Variants in RHOT1 observed in about 807,000 individuals in gnomAD.
RHOT1 encodes the protein mitochondrial Rho GTPase 1.
Under a neutral mutation model 95.3 loss-of-function variants are expected in RHOT1, and 27 were observed. The ratio of observed to expected loss-of-function variants is 0.28; its 90% CI spans 0.21 to 0.39. RHOT1 has a LOEUF of 0.39. RHOT1 is among the 10% of genes least tolerant of loss of function. The pLI is 1.00. For synonymous variants in RHOT1, 227 were observed against 263.5 expected (o/e 0.86, Z 1.34); for missense variants, 578 against 786.7 (o/e 0.73, Z 3.17).
At chr17:32,146,896 T>TA in intron 1 of RHOT1, among the ~76,000 whole-genome samples, 1 of 144,356 alleles carries the variant, frequency 6.9e-6, no homozygotes, top group African/African-American at 2.6e-5. Flanking sequence ...CTAATTTTTG[T>TA]AAATTTTTTT....
chr17:32,163,422 C>A (rs531149021), intron 1 of RHOT1, among the ~76,000 whole-genome samples: 1 of 152,174 alleles, frequency 6.6e-6, no homozygotes, highest in South Asian at 2.1e-4. Context: ...TTCTTTTTAT[C>A]CAGATATGTA....
chr17:32,209,190 A>T, intron 18 of RHOT1: 2 of 399,578 alleles, frequency 5.0e-6, no homozygotes, highest in Non-Finnish European at 8.9e-6. Context: ...AAGTCAGTTA[A>T]CTTTACTGCT....
At chr17:32,219,315 T>G (rs2038680498) in intron 19 of RHOT1, among the ~76,000 whole-genome samples, 1 of 152,148 alleles carries the variant, frequency 6.6e-6, no homozygotes, top group Non-Finnish European at 1.5e-5. Flanking sequence ...TTCTGAATTC[T>G]TACCCTTCCG....
intron 8 of RHOT1, among the ~76,000 whole-genome samples, chr17:32,185,477 A>G (rs1042724252): frequency 4.6e-5 from 7 of 152,046 alleles, no homozygotes; most frequent in Non-Finnish European, 7.4e-5. Flanking sequence ...GCACAATCAC[A>G]GCTCACTGCC....
At chr17:32,150,346 T>G in intron 1 of RHOT1, 1 of 354,482 alleles carries the variant, frequency 2.8e-6, no homozygotes, top group East Asian at 4.3e-5. Flanking sequence ...GAACTTTTGC[T>G]GCTAATGAAC....
intron 15 of RHOT1, 98 bp from the exon 16 acceptor site, chr17:32,203,792 C>G: frequency 2.4e-6 from 2 of 826,656 alleles, no homozygotes; most frequent in Non-Finnish European, 4.1e-6. Context: ...GAAGAATGCC[C>G]TTTTATTTAT....
chr17:32,149,365 C>T lies in RHOT1; in HGVS notation c.37+6636C>T, dbSNP rs1040002508. 6.9e-4 allele frequency among the ~76,000 whole-genome samples: 104 copies of T among 150,828 alleles called. 1 individual carries two copies. Among genetic ancestry groups the T allele is most frequent in the African/African-American group, 2.4e-3 (98 of 41,386 alleles). On this transcript the variant is annotated intron_variant, in intron 1 of 19. Transcript: ENST00000545287. ...GAAGAGCTTGGGATTTTTGTTTCCT[C>T]ATAAACAATCTTTATTTTCTGAAGC...
In RHOT1 at chr17:32,206,803, A is replaced by G. The variant is rs562436846; in HGVS notation, c.1417-107A>G. 1.8e-5 allele frequency: 15 copies of G among 817,642 alleles called. No individual in the cohort carries two copies. In the South Asian group the frequency reaches 2.1e-4, roughly 12 times the overall value. The allele number at this position is 817,642 out of a possible 1,614,324, so 50.6% of individuals were successfully genotyped here. ...CTGGCCTGAAAAGTTATGCTTAACC[A>G]GTACTTTTAAACTTAGGAAGTCCAG... On this transcript the variant is annotated intron_variant, in intron 16 of 19. Transcript: ENST00000545287.
chr17:32,173,788 T>G, intron 2 of RHOT1, 43 bp from the exon 3 acceptor site: 3 of 1,297,310 alleles, frequency 2.3e-6, no homozygotes, highest in Non-Finnish European at 3.3e-6. Flanking sequence ...AGTGATAATA[T>G]TCAAAGGTGT....
At chr17:32,157,789 A>T (rs566857529) in intron 1 of RHOT1, among the ~76,000 whole-genome samples, 160 of 152,070 alleles carry the variant, frequency 1.1e-3, no homozygotes, top group Admixed American at 4.9e-3. Flanking sequence ...CCTGGGTGAC[A>T]TAGCAAGACT....
intron 1 of RHOT1, among the ~76,000 whole-genome samples, chr17:32,161,538 A>G (rs2142446618): frequency 6.6e-6 from 1 of 152,210 alleles, no homozygotes; most frequent in African/African-American, 2.4e-5. Context: ...GTGGCCTTTC[A>G]CTAGTTTTAC....
At position 32,193,996 on chromosome 17, in the gene RHOT1, T is replaced by A. The variant is rs1423311673; in HGVS notation, c.758T>A (p.Phe253Tyr). The change falls in exon 11 of 20, where the codon TTT becomes TAT. Residue 253 changes from phenylalanine (F) to tyrosine (Y), a missense_variant. Physicochemically the swap from Phe to Tyr is conservative, Grantham distance 22. This residue lies in a region of RHOT1 where 227 missense variants were observed against 316.0 expected (regional missense o/e 0.72). Coordinates refer to ENST00000545287, the MANE Select transcript of RHOT1 (RefSeq NM_001033566.3). ...DSGLTLKGFL[F>Y]LHTLFIQRGR... Reference sequence around the variant, plus strand: ...ATTTACTTTATTTCAGGTTTTCTCTTTTTACACACACTTTTTATCCAGAGA... The same window carrying A: ...ATTTACTTTATTTCAGGTTTTCTCTATTTACACACACTTTTTATCCAGAGA... 6.2e-7 allele frequency: 1 copy of A among 1,613,120 alleles called. No homozygotes were observed. Among genetic ancestry groups the A allele is most frequent in the Admixed American group, 1.7e-5 (1 of 59,968 alleles).
At chr17:32,173,047 C>CACTGAGTGGA (rs2034704358) in intron 2 of RHOT1, 1 of 152,102 alleles carries the variant, frequency 6.6e-6, no homozygotes, top group African/African-American at 2.4e-5. Context: ...CAAATTAATC[C>CACTGAGTGGA]AAGAATCCAC....
At chr17:32,149,635 A>ATATATATATGTGTGTGTGTG (rs1445281403) in intron 1 of RHOT1, among the ~76,000 whole-genome samples, 2 of 59,100 alleles carry the variant, frequency 3.4e-5, no homozygotes, top group African/African-American at 5.4e-5. Context: ...ATATATATAT[A>ATATATATATGTGTGTGTGTG]TGTGTGTGTG....
At position 32,192,944 on chromosome 17, in the gene RHOT1, C is replaced by T. The variant is rs185995828; in HGVS notation, c.640-192C>T. 6.3e-3 allele frequency among the ~76,000 whole-genome samples: 954 copies of T among 152,206 alleles called. 6 individuals carry two copies. The highest frequency in any genetic ancestry group is 0.011 in the Non-Finnish European group (757 of 67,994). On this transcript the variant is annotated intron_variant, in intron 9 of 19. Coordinates refer to ENST00000545287, the MANE Select transcript of RHOT1 (RefSeq NM_001033566.3). Reference sequence around the variant, plus strand: ...CCTCCCAAAGTGCTGGGATTACAGGCGTGAGCCACTGCACCCAGCCCATGT... The same window carrying T: ...CCTCCCAAAGTGCTGGGATTACAGGTGTGAGCCACTGCACCCAGCCCATGT...
intron 16 of RHOT1, among the ~76,000 whole-genome samples, chr17:32,204,924 A>C: frequency 6.6e-6 from 1 of 151,746 alleles, no homozygotes; most frequent in Non-Finnish European, 1.5e-5. Context: ...CGGAGGTTGT[A>C]GTGAGCCAAG....
At position 32,215,852 on chromosome 17, in the gene RHOT1, A is replaced by G. The variant is rs7208099; in HGVS notation, c.1862+4614A>G. 9.5e-3 allele frequency among the ~76,000 whole-genome samples: 1,451 copies of G among 152,274 alleles called. 16 individuals carry two copies. The highest frequency in any genetic ancestry group is 0.033 in the African/African-American group (1,389 of 41,560). On this transcript the variant is annotated intron_variant, in intron 19 of 19. Transcript: ENST00000545287. Reference sequence around the variant, plus strand: ...TCTCTTGGTAATTATGAGCTCACTCAGATCTGGATAGGTTTATGTTTTACT... The same window carrying G: ...TCTCTTGGTAATTATGAGCTCACTCGGATCTGGATAGGTTTATGTTTTACT...
chr17:32,188,232 A>G (rs557154716), intron 8 of RHOT1, among the ~76,000 whole-genome samples: 1 of 152,362 alleles, frequency 6.6e-6, no homozygotes, highest in South Asian at 2.1e-4. Flanking sequence ...TTAGATGGGA[A>G]AGCAGATAAA....
At position 32,208,098 on chromosome 17, in the gene RHOT1, A is replaced by G; in HGVS notation, c.1537-9A>G. 3 of 1,609,310 alleles carry G rather than the reference A, an allele frequency of 1.9e-6. No individual in the cohort carries two copies. Among genetic ancestry groups the G allele is most frequent in the African/African-American group, 1.3e-5 (1 of 74,890 alleles). ...TTATCAGATTTTGATTTCATTTTTT[A>G]TTCCATAGCAACACTTTATGGACAG... On this transcript the variant is annotated splice_polypyrimidine_tract_variant and intron_variant, in intron 17 of 19. Transcript: ENST00000545287.
Sources: allele counts gnomAD v4.1 joint callset (sites outside exome capture counted in the v4.1 genomes callset), GRCh38; gene constraint gnomAD v4.1.1; regional missense constraint gnomAD v4.1.1; transcripts MANE v1.5; gene names NCBI Gene and HGNC (gene_info 2026-07-23, HGNC 2026-07-21).